POU1F1: variants seen among roughly 807,000 people sequenced by gnomAD.
POU1F1 encodes pituitary-specific positive transcription factor 1.
Under a neutral mutation model 32.3 loss-of-function variants are expected in POU1F1, and 23 were observed. The ratio of observed to expected loss-of-function variants is 0.71; its 90% CI spans 0.51 to 1.01. The LOEUF is 1.01. Among genes scored for constraint, POU1F1 ranks in the 50% least tolerant of loss-of-function variants. The probability of loss-of-function intolerance (pLI) is 0.00; values close to 1 mark genes in which losing one functional copy is unlikely to be tolerated. For synonymous variants in POU1F1, 120 were observed against 115.6 expected, an observed-to-expected ratio of 1.04 and a Z score of -0.25; for missense variants, 323 against 341.6, an observed-to-expected ratio of 0.95 and a Z score of 0.43.
intron 2 of POU1F1, among the ~76,000 whole-genome samples, chr3:87,273,011 G>T (rs1706755723): frequency 6.6e-6 from 1 of 152,094 alleles, no homozygotes; most frequent in Non-Finnish European, 1.5e-5. Context: ...AGCCACACGT[G>T]TCTAGTAGCT....
intron 2 of POU1F1, among the ~76,000 whole-genome samples, chr3:87,272,856 G>T (rs1004066365): frequency 7.9e-5 from 12 of 152,134 alleles, no homozygotes; most frequent in African/African-American, 2.7e-4. Flanking sequence ...AATGATGAGG[G>T]GGGGTGTTCT....
chr3:87,262,098 A>G lies in POU1F1; in HGVS notation c.577T>C (p.Trp193Arg), dbSNP rs104893758. Residue 193 changes from tryptophan to arginine, a missense_variant, in exon 4 of 6, where the codon TGG (tryptophan) becomes CGG (arginine). Transcript: ENST00000350375. ...CCTACTTGCTCAGCTTCCTCCAGCC[A>G]TTTGGATAATATTGCTTTCAGTTTG... ...ACKLKAILSKWLEEAEQVGAL... is the reference protein window; with the variant it reads ...ACKLKAILSKRLEEAEQVGAL... 2 of 1,614,112 alleles carry G rather than the reference A, an allele frequency of 1.2e-6. No individual in the cohort carries two copies. The highest frequency in any genetic ancestry group is 1.1e-5 in the South Asian group (1 of 91,092).
rs766603627 is a variant in POU1F1, at chr3:87,261,295, T to C, written c.643A>G (p.Arg215Gly). 1.9e-6 allele frequency: 3 copies of C among 1,589,028 alleles called. No individual in the cohort carries two copies. Among genetic ancestry groups the C allele is most frequent in the Non-Finnish European group, 2.6e-6 (3 of 1,162,300 alleles). Reference sequence around the variant, plus strand: ...TACCTTATAGTTGTTCTTCGTTTTCTTTTCCTTTCATTTGCTCCCACTTTT... The same window carrying C: ...TACCTTATAGTTGTTCTTCGTTTTCCTTTCCTTTCATTTGCTCCCACTTTT... ...NEKVGANERK[R>G]KRRTTISIAA... The change falls in exon 5 of 6, where the codon AGA becomes GGA. Residue 215 changes from arginine to glycine, a missense_variant. Coordinates refer to ENST00000350375, the MANE Select transcript of POU1F1 (RefSeq NM_000306.4).
At chr3:87,268,860 A>G (rs1355935177) in intron 2 of POU1F1, among the ~76,000 whole-genome samples, 1 of 152,142 alleles carries the variant, frequency 6.6e-6, no homozygotes, top group African/African-American at 2.4e-5. Flanking sequence ...CAGAGGAGAG[A>G]GAAGAACAGA....
At chr3:87,268,944 A>G (rs1348778548) in intron 2 of POU1F1, among the ~76,000 whole-genome samples, 3 of 152,202 alleles carry the variant, frequency 2.0e-5, no homozygotes, top group Non-Finnish European at 4.4e-5. Flanking sequence ...AATGTACCAT[A>G]GCATGGGGCA....
chr3:87,266,322 T>A (rs867901284), intron 2 of POU1F1, among the ~76,000 whole-genome samples: 2 of 146,974 alleles, frequency 1.4e-5, no homozygotes, highest in South Asian at 4.2e-4. Flanking sequence ...TTATATAAAA[T>A]ATGTAATTAT....
chr3:87,274,892 G>A (rs1706797707), intron 1 of POU1F1, among the ~76,000 whole-genome samples: 1 of 151,542 alleles, frequency 6.6e-6, no homozygotes, highest in African/African-American at 2.4e-5. Context: ...TACAGGATAG[G>A]CTAATTTACT....
intron 2 of POU1F1, among the ~76,000 whole-genome samples, chr3:87,268,706 T>TAAAG (rs1185038069): frequency 2.6e-5 from 4 of 152,168 alleles, no homozygotes; most frequent in African/African-American, 9.7e-5. Flanking sequence ...GAAACATGGA[T>TAAAG]AAAGAAAAAT....
At chr3:87,267,007 T>G (rs917765605) in intron 2 of POU1F1, among the ~76,000 whole-genome samples, 2 of 152,120 alleles carry the variant, frequency 1.3e-5, no homozygotes, top group African/African-American at 4.8e-5. Context: ...CTGTTAGATT[T>G]TGTACATTTA....
chr3:87,260,471 G>A (rs1000974384), intron 5 of POU1F1, among the ~76,000 whole-genome samples: 7 of 152,118 alleles, frequency 4.6e-5, no homozygotes, highest in African/African-American at 1.4e-4. Context: ...TACGATAAAG[G>A]AAATCTCTAG....
chr3:87,276,568 T>A lies in POU1F1; in HGVS notation c.-106A>T, dbSNP rs976681645. ...ATTCAATTCTCACTACCTGCATATA[T>A]ACATCAGGAAGGCTCTGAGGCACCA... On this transcript the variant is annotated 5_prime_UTR_variant, in exon 1 of 6. Coordinates refer to ENST00000350375, the MANE Select transcript of POU1F1 (RefSeq NM_000306.4). 9 of 1,338,752 alleles carry A rather than the reference T, an allele frequency of 6.7e-6. No homozygotes were observed. The African/African-American group carries it at 1.0e-4, about 15-fold the overall frequency. The allele number at this position is 1,338,752 out of a possible 1,614,324, so 82.9% of individuals were successfully genotyped here. A position where few individuals can be genotyped will look rare whatever the true frequency, so the allele number is the denominator to read the frequency against.
intron 1 of POU1F1, among the ~76,000 whole-genome samples, chr3:87,275,235 A>G (rs1248269028): frequency 6.6e-6 from 1 of 152,050 alleles, no homozygotes; most frequent in Admixed American, 6.6e-5. Flanking sequence ...CCTGAAATTT[A>G]ATTTAAAAGG....
At chr3:87,262,316 A>T in intron 3 of POU1F1, 81 bp from the exon 4 acceptor site, 1 of 1,498,182 alleles carries the variant, frequency 6.7e-7, no homozygotes, top group Non-Finnish European at 9.3e-7. Context: ...AAATCTGTGT[A>T]TCTTTGTCAA....
At chr3:87,271,352 C>T (rs1275532998) in intron 2 of POU1F1, among the ~76,000 whole-genome samples, 2 of 152,164 alleles carry the variant, frequency 1.3e-5, no homozygotes, top group African/African-American at 2.4e-5. Flanking sequence ...CAGTGGTGGC[C>T]CTCTCTGATT....
chr3:87,270,556 C>A (rs769077966), intron 2 of POU1F1, among the ~76,000 whole-genome samples: 2 of 152,132 alleles, frequency 1.3e-5, no homozygotes, highest in Middle Eastern at 3.4e-3. Flanking sequence ...ATGAAATAAC[C>A]ATATGAAAAT....
Position 87,264,285 on chromosome 3 carries a change from T to TTAA in POU1F1, c.439+2_439+3insTTA. The stretch of plus-strand genomic sequence containing the variant: ...TTTCCTGTTGCCTTTAACAAGCACA[T>TTAA]ACCTAATTTAATTCGTCTCACTTTA... On this transcript the variant is annotated splice_region_variant and intron_variant, in intron 3 of 5. Transcript: ENST00000350375. 1 of 1,603,652 alleles carries TTAA rather than the reference T, an allele frequency of 6.2e-7. No homozygotes were observed. The highest frequency in any genetic ancestry group is 8.5e-7 in the Non-Finnish European group (1 of 1,170,604).
In POU1F1 at chr3:87,276,069, T is replaced by C. The variant is rs909898995; in HGVS notation, c.142+252A>G. On this transcript the variant is annotated intron_variant, in intron 1 of 5. Transcript: ENST00000350375. The stretch of plus-strand genomic sequence containing the variant: ...AATGTCCAAGTTCATTCTTTTCTTA[T>C]GTAGAAAACAGATTTTCTTCCTTAC... 1.8e-4 allele frequency among the ~76,000 whole-genome samples: 27 copies of C among 152,194 alleles called. 1 individual carries two copies. The highest frequency in any genetic ancestry group is 2.4e-4 in the Non-Finnish European group (16 of 68,024).
Position 87,264,395 on chromosome 3 carries a change from A to C in POU1F1, c.332T>G (p.Leu111Arg). The C allele has an allele frequency of 6.2e-7, 1 of 1,613,848 alleles. No individual in the cohort carries two copies. Among genetic ancestry groups the C allele is most frequent in the Non-Finnish European group, 8.5e-7 (1 of 1,179,830 alleles). Residue 111 changes from leucine (L) to arginine (R), a missense_variant, in exon 3 of 6, where the codon CTC becomes CGC. Coordinates refer to ENST00000350375, the MANE Select transcript of POU1F1 (RefSeq NM_000306.4). ...TTCCACCAATTTACTTTTCCGCCTGAGTTCCTGCTTGAAATCAGCAGCTGT... is the reference window on the plus strand; with the variant it reads ...TTCCACCAATTTACTTTTCCGCCTGCGTTCCTGCTTGAAATCAGCAGCTGT... ...DPTAADFKQE[L>R]RRKSKLVEEP...
In POU1F1 at chr3:87,273,403, T is replaced by A; in HGVS notation, c.158A>T (p.Tyr53Phe). Residue 53 changes from tyrosine to phenylalanine, a missense_variant, in exon 2 of 6, where the codon TAT becomes TTT. Physicochemically the swap from Tyr to Phe is conservative, Grantham distance 22 (BLOSUM62 3). Coordinates refer to ENST00000350375, the MANE Select transcript of POU1F1 (RefSeq NM_000306.4). ...NVMSTATGLHYSVPSCHYGNQ... is the reference protein window; with the variant it reads ...NVMSTATGLHFSVPSCHYGNQ... ...TCCATAATGACAGGAAGGAACAGAA[T>A]AATGAAGTCCTGTTGCTGTGTTTCC... 1 of 1,612,222 alleles carries A rather than the reference T, an allele frequency of 6.2e-7. No individual in the cohort carries two copies. Among genetic ancestry groups the A allele is most frequent in the Non-Finnish European group, 8.5e-7 (1 of 1,178,516 alleles).
Sources: allele counts gnomAD v4.1 joint callset (sites outside exome capture counted in the v4.1 genomes callset), GRCh38; gene constraint gnomAD v4.1.1; transcripts MANE v1.5; gene names NCBI Gene and HGNC (gene_info 2026-07-23, HGNC 2026-07-21).